Variants in ZNF536 observed in about 807,000 individuals in gnomAD.
ZNF536 encodes the protein zinc finger protein 536.
A neutral mutation model predicts 84.5 loss-of-function variants in ZNF536; 13 were observed. The ratio of observed to expected loss-of-function variants is 0.15; its 90% CI spans 0.10 to 0.24. The LOEUF (loss-of-function observed/expected upper bound fraction) is 0.24, where lower values mean the gene tolerates loss of function less well. Ranked by LOEUF, ZNF536 falls within the 10% of genes least tolerant of loss-of-function variation. The pLI is 1.00. For missense variants in ZNF536, 1,536 were observed against 1,747.5 expected (o/e 0.88, Z 2.16); for synonymous variants, 811 against 742.5 (o/e 1.09, Z -1.50).
intron 3 of ZNF536, among the ~76,000 whole-genome samples, chr19:30,358,546 C>G (rs1456334793): frequency 6.6e-5 from 10 of 152,200 alleles, no homozygotes; most frequent in Admixed American, 6.5e-4. Context: ...TTGACTAGCC[C>G]CCTTGCTTCT....
chr19:30,236,909 T>G (rs1017337936), intron 1 of ZNF536, among the ~76,000 whole-genome samples: 8 of 152,336 alleles, frequency 5.3e-5, no homozygotes, highest in Admixed American at 3.3e-4. Flanking sequence ...ATTCCAGATA[T>G]TAGAGTATGT....
chr19:30,450,689 T>G (rs2052563161), intron 2 of ZNF536, among the ~76,000 whole-genome samples: 1 of 152,342 alleles, frequency 6.6e-6, no homozygotes, highest in African/African-American at 2.4e-5. Context: ...AACTTGAAAT[T>G]AGTCAATTTG....
At chr19:30,240,368 A>G (rs2023853015) in intron 1 of ZNF536, among the ~76,000 whole-genome samples, 2 of 134,222 alleles carry the variant, frequency 1.5e-5, no homozygotes, top group African/African-American at 5.7e-5. Flanking sequence ...GCAAGACTCT[A>G]TCTCAGAAAA....
chr19:30,596,573 A>G (rs1187796176), intron 1 of ZNF536, among the ~76,000 whole-genome samples: 3 of 152,218 alleles, frequency 2.0e-5, no homozygotes, highest in Non-Finnish European at 4.4e-5. Flanking sequence ...AATAAGTCAG[A>G]AGGAGCAGTA....
intron 2 of ZNF536, among the ~76,000 whole-genome samples, chr19:30,309,474 A>G (rs2046434979): frequency 6.6e-6 from 1 of 152,178 alleles, no homozygotes. Context: ...ACACTTTTTC[A>G]CTGGTATTTT....
chr19:30,270,938 T>G (rs1388292727), intron 1 of ZNF536, among the ~76,000 whole-genome samples: 1 of 146,100 alleles, frequency 6.8e-6, no homozygotes, highest in African/African-American at 2.5e-5. Context: ...TGACATTGGA[T>G]TTTTTTTTTT....
At chr19:30,458,640 T>C (rs2052985180) in intron 2 of ZNF536, among the ~76,000 whole-genome samples, 1 of 151,850 alleles carries the variant, frequency 6.6e-6, no homozygotes, top group African/African-American at 2.4e-5. Context: ...TTAGTAAAGA[T>C]AGGGTTTCTC....
At chr19:30,597,076 A>C (rs1323626049) in intron 1 of ZNF536, among the ~76,000 whole-genome samples, 3 of 152,142 alleles carry the variant, frequency 2.0e-5, no homozygotes, top group African/African-American at 7.2e-5. Context: ...AATCCCTTAA[A>C]TGTGCTAGGC....
chr19:30,422,342 C>T (rs2050997648), intron 1 of ZNF536, among the ~76,000 whole-genome samples: 1 of 152,104 alleles, frequency 6.6e-6, no homozygotes. Flanking sequence ...AGTAGCCCCT[C>T]TCCTCTTTAG....
chr19:30,473,825 G>C (rs1425113654), intron 2 of ZNF536, among the ~76,000 whole-genome samples: 1 of 152,174 alleles, frequency 6.6e-6, no homozygotes, highest in Non-Finnish European at 1.5e-5. Flanking sequence ...TGTTTTAGCT[G>C]TCTCTCCTCC....
intron 2 of ZNF536, among the ~76,000 whole-genome samples, chr19:30,489,019 T>C (rs1448109406): frequency 6.6e-6 from 1 of 152,164 alleles, no homozygotes; most frequent in Non-Finnish European, 1.5e-5. Flanking sequence ...GGACGTTATA[T>C]ACTGGCCTGC....
In ZNF536 at chr19:30,473,193, G is replaced by A. The variant is rs1009349094; in HGVS notation, c.2170+27461G>A. 7.3e-5 allele frequency among the ~76,000 whole-genome samples: 11 copies of A among 151,630 alleles called. No homozygotes were observed. The East Asian group carries it at 2.1e-3, about 30-fold the overall frequency. On this transcript the variant is annotated intron_variant, in intron 2 of 4. Transcript: ENST00000355537. ...TGCACTCCAGCCTGGGTGACAGAGT[G>A]AGACTCCATCTCATAATAATAATAG...
chr19:30,468,139 G>A (rs187897988), intron 2 of ZNF536, among the ~76,000 whole-genome samples: 176 of 152,314 alleles, frequency 1.2e-3, no homozygotes, highest in African/African-American at 3.9e-3. Context: ...AACAACCCCT[G>A]TGGTCCAGTG....
intron 1 of ZNF536, among the ~76,000 whole-genome samples, chr19:30,705,152 T>C (rs1403764719): frequency 6.6e-6 from 1 of 152,180 alleles, no homozygotes; most frequent in African/African-American, 2.4e-5. Flanking sequence ...AGATCAGGCT[T>C]TCAGTTATAT....
At chr19:30,703,760 C>A (rs181853359) in intron 1 of ZNF536, among the ~76,000 whole-genome samples, 134 of 152,294 alleles carry the variant, frequency 8.8e-4, no homozygotes, top group South Asian at 1.7e-3. Flanking sequence ...CACCAGCAGC[C>A]GACATCTTGG....
intron 2 of ZNF536, among the ~76,000 whole-genome samples, chr19:30,496,888 G>T (rs997030926): frequency 2.6e-5 from 4 of 152,168 alleles, no homozygotes; most frequent in Non-Finnish European, 5.9e-5. Flanking sequence ...TCTGTGTAAC[G>T]TGGTGCTGGC....
At chr19:30,531,114 C>T (rs941845386) in intron 2 of ZNF536, among the ~76,000 whole-genome samples, 5 of 152,168 alleles carry the variant, frequency 3.3e-5, no homozygotes, top group African/African-American at 9.7e-5. Context: ...TGCCATAGGC[C>T]TTCTGGCCCT....
At chr19:30,420,191 A>T (rs1334374690) in intron 1 of ZNF536, among the ~76,000 whole-genome samples, 1 of 152,208 alleles carries the variant, frequency 6.6e-6, no homozygotes, top group Non-Finnish European at 1.5e-5. Flanking sequence ...CCCTGTGCAC[A>T]TTTAAGAATT....
chr19:30,264,439 G>A (rs1282614974), intron 1 of ZNF536, among the ~76,000 whole-genome samples: 1 of 149,538 alleles, frequency 6.7e-6, no homozygotes, highest in African/African-American at 2.5e-5. Flanking sequence ...GTATTCGTGT[G>A]CACGCATGTG....
Sources: gnomAD v4.1 joint callset for allele counts (sites outside exome capture counted in the v4.1 genomes callset) on GRCh38, gnomAD v4.1.1 for gene constraint, MANE v1.5 for transcripts, NCBI Gene and HGNC (gene_info 2026-07-23, HGNC 2026-07-21) for gene names.